The following DCAF13 variants were observed in gnomAD, a reference collection of about 807,000 sequenced individuals.
The protein encoded by DCAF13 is DDB1 and CUL4 associated factor 13.
Under a neutral mutation model 59.0 loss-of-function variants are expected in DCAF13, and 38 were observed. The ratio of observed to expected loss-of-function variants is 0.64; its 90% CI spans 0.50 to 0.84. The LOEUF is 0.84. Ranked by LOEUF, DCAF13 falls within the 40% of genes least tolerant of loss-of-function variation. The pLI is 0.00. For missense variants in DCAF13, 469 were observed against 558.4 expected (o/e 0.84, Z 1.61); for synonymous variants, 173 against 175.0 (o/e 0.99, Z 0.09).
intron 7 of DCAF13, among the ~76,000 whole-genome samples, chr8:103,433,441 T>TC (rs569641051): frequency 6.6e-6 from 1 of 152,082 alleles, no homozygotes; most frequent in Admixed American, 6.5e-5. Flanking sequence ...TCTTTTTTTT[T>TC]CCCAAAGCAT....
At chr8:103,419,145 A>C (rs1381906476) in intron 1 of DCAF13, among the ~76,000 whole-genome samples, 4 of 151,834 alleles carry the variant, frequency 2.6e-5, no homozygotes, top group African/African-American at 9.7e-5. Context: ...CGGCCCCCCA[A>C]AGTGCTGGGA....
chr8:103,419,391 C>T (rs1037091065), intron 1 of DCAF13, among the ~76,000 whole-genome samples: 6 of 152,088 alleles, frequency 3.9e-5, no homozygotes, highest in African/African-American at 1.4e-4. Flanking sequence ...GGAGATTAAA[C>T]GGTTAAGGTT....
rs190216894 is a variant in DCAF13, at chr8:103,434,049, G to T, written c.785+1308G>T. On this transcript the variant is annotated intron_variant, in intron 7 of 10. Coordinates refer to ENST00000612750, the MANE Select transcript of DCAF13 (RefSeq NM_015420.7). Reference sequence around the variant, plus strand: ...TTGCATATGCCACCTGAAACAAAGAGCATATCCCTTATAATAAGTGACTGT... The same window carrying T: ...TTGCATATGCCACCTGAAACAAAGATCATATCCCTTATAATAAGTGACTGT... Among the ~76,000 whole-genome samples the T allele has an allele frequency of 9.9e-5, 15 of 152,204 alleles. No individual in the cohort carries two copies. The East Asian group carries it at 2.9e-3, about 29-fold the overall frequency.
chr8:103,417,658 A>G lies in DCAF13; in HGVS notation c.70+2142A>G, dbSNP rs548207633. On this transcript the variant is annotated intron_variant, in intron 1 of 10. Transcript: ENST00000612750. ...CTCCGTCTCAAAAAAAAAAAAAAAAAAAGAACATCTTTAATTACATGCTCT... is the reference window on the plus strand; with the variant it reads ...CTCCGTCTCAAAAAAAAAAAAAAAAGAAGAACATCTTTAATTACATGCTCT... Among the ~76,000 whole-genome samples, 399 of 151,706 alleles carry G rather than the reference A, an allele frequency of 2.6e-3. 6 individuals carry two copies. In the South Asian group the frequency reaches 0.03, roughly 12 times the overall value.
intron 9 of DCAF13, 116 bp from the exon 10 acceptor site, chr8:103,441,339 A>G (rs768261315): frequency 2.8e-5 from 25 of 877,974 alleles, no homozygotes; most frequent in African/African-American, 1.6e-4. Flanking sequence ...TACATTGGCA[A>G]TTTTGGTTGC....
rs1817031310 is a variant in DCAF13 at position 103,443,080 on chromosome 8, G to A, written c.*198G>A. On this transcript the variant is annotated 3_prime_UTR_variant, in exon 11 of 11. Transcript: ENST00000612750. The stretch of plus-strand genomic sequence containing the variant: ...GGTAAGACTGTTTTATCCTTAATCT[G>A]CATTCTTCTTTCATTGTAGAATACA... 1.4e-5 allele frequency: 6 copies of A among 427,686 alleles called. No individual in the cohort carries two copies. The South Asian group carries it at 3.2e-4, about 22-fold the overall frequency. The allele number at this position is 427,686 out of a possible 1,614,324, so 26.5% of individuals were successfully genotyped here.
chr8:103,421,119 A>G (rs768357734), intron 3 of DCAF13, 37 bp downstream of exon 3: 4 of 1,315,444 alleles, frequency 3.0e-6, no homozygotes, highest in Admixed American at 3.4e-5. Flanking sequence ...AATTTGATCA[A>G]CATAGGTAAG....
chr8:103,419,748 T>G (rs1220002973), intron 1 of DCAF13, among the ~76,000 whole-genome samples: 2 of 152,130 alleles, frequency 1.3e-5, no homozygotes, highest in Non-Finnish European at 2.9e-5. Context: ...CGGTGGCTCA[T>G]GCCTGTAATC....
Position 103,420,402 on chromosome 8 carries a change from A to G in DCAF13, c.209A>G (p.Asn70Ser), listed in dbSNP as rs13272825. Residue 70 changes from asparagine (N) to serine (S), a missense_variant, in exon 2 of 11, where the codon AAT becomes AGT. Asn to Ser is a conservative substitution (Grantham distance 46). This residue lies in a region of DCAF13 where 355 missense variants were observed against 399.1 expected (regional missense o/e 0.89). Transcript: ENST00000612750. ...CTGGATGGTCACCGTGATGGAGTCA[A>G]TTGCTTGGCAAAGCATCCAGAGAAG... ...ASLDGHRDGV[N>S]CLAKHPEKLA... is the part of the protein sequence containing the mutation. The G allele has an allele frequency of 1.7e-3, 2,679 of 1,614,134 alleles. 4 individuals are homozygous for G. The highest frequency in any genetic ancestry group is 2.1e-3 in the Non-Finnish European group (2,429 of 1,180,010).
chr8:103,434,337 T>G (rs185242164), intron 7 of DCAF13, among the ~76,000 whole-genome samples: 1 of 152,212 alleles, frequency 6.6e-6, no homozygotes, highest in East Asian at 1.9e-4. Flanking sequence ...GAACTTTGTT[T>G]ATTTAAAGGT....
At chr8:103,435,267 T>C (rs1185596123) in intron 7 of DCAF13, among the ~76,000 whole-genome samples, 1 of 152,134 alleles carries the variant, frequency 6.6e-6, no homozygotes, top group Non-Finnish European at 1.5e-5. Context: ...TAAAAGTATG[T>C]ATTTAAATAG....
intron 1 of DCAF13, among the ~76,000 whole-genome samples, chr8:103,418,839 TATATATATATATATATATATATATATA>T (rs1192080902): frequency 2.2e-4 from 3 of 13,860 alleles, no homozygotes; most frequent in African/African-American, 1.3e-3. Flanking sequence ...TATATATATA[TATATATATATATATATATATATATATA>T]TTTTTTTTTT....
Position 103,440,124 on chromosome 8 carries a change from C to A in DCAF13, c.951-12C>A. 2 of 1,534,156 alleles carry A rather than the reference C, an allele frequency of 1.3e-6. No homozygotes were observed. Among genetic ancestry groups the A allele is most frequent in the South Asian group, 1.3e-5 (1 of 77,710 alleles). ...AAATCCAAAGGGTTTTAACTTAATT[C>A]GTTTTCTATAGGGAGGTATATCATA... On this transcript the variant is annotated splice_polypyrimidine_tract_variant and intron_variant, in intron 8 of 10. Transcript: ENST00000612750.
intron 8 of DCAF13, 156 bp from the exon 9 acceptor site, chr8:103,439,980 T>G: frequency 2.1e-6 from 1 of 486,808 alleles, no homozygotes; most frequent in Non-Finnish European, 3.3e-6. Flanking sequence ...CGGAACCTTA[T>G]TAGTTGGGTT....
In DCAF13 at chr8:103,428,879, C is replaced by T. The variant is rs1357554846; in HGVS notation, c.624+1627C>T. The T allele has an allele frequency of 3.3e-5, 5 of 151,502 alleles. No individual in the cohort carries two copies. The East Asian group carries it at 9.7e-4, about 29-fold the overall frequency. 9.4% of individuals were successfully genotyped at this position (151,502 alleles called of 1,614,324 possible). A position where few individuals can be genotyped will look rare whatever the true frequency, so the allele number is the denominator to read the frequency against. On this transcript the variant is annotated intron_variant, in intron 5 of 10. Coordinates refer to ENST00000612750, the MANE Select transcript of DCAF13 (RefSeq NM_015420.7). ...TAGTGACCATGTTTTTCAAACTTGC[C>T]TGTATAGCAGCTGTATTTGTTCAGC...
Position 103,426,158 on chromosome 8 carries a change from A to G in DCAF13, c.468+13A>G. 1 of 1,484,668 alleles carries G rather than the reference A, an allele frequency of 6.7e-7. No homozygotes were observed. Among genetic ancestry groups the G allele is most frequent in the Non-Finnish European group, 9.4e-7 (1 of 1,068,908 alleles). The allele number at this position is 1,484,668 out of a possible 1,614,324, so 92.0% of individuals were successfully genotyped here. A position where few individuals can be genotyped will look rare whatever the true frequency, so the allele number is the denominator to read the frequency against. ...AATATTAGGAAAGGTACAAAAGTAA[A>G]TTGACTAATAGCTTGCCTATTAACA... On this transcript the variant is annotated intron_variant, in intron 4 of 10. Coordinates refer to ENST00000612750, the MANE Select transcript of DCAF13 (RefSeq NM_015420.7).
chr8:103,416,117 A>G (rs1048173020), intron 1 of DCAF13, among the ~76,000 whole-genome samples: 1 of 152,250 alleles, frequency 6.6e-6, no homozygotes, highest in Non-Finnish European at 1.5e-5. Flanking sequence ...GCGTAAGCAG[A>G]TTGTTCTAAA....
intron 8 of DCAF13, 75 bp downstream of exon 8, chr8:103,435,865 T>C (rs1452576979): frequency 1.6e-5 from 23 of 1,455,278 alleles, no homozygotes; most frequent in Middle Eastern, 1.7e-4. Flanking sequence ...AAATGAGTCA[T>C]TGGGCGATTT....
chr8:103,421,257 T>C, intron 3 of DCAF13, 175 bp downstream of exon 3: 1 of 685,980 alleles, frequency 1.5e-6, no homozygotes, highest in South Asian at 1.6e-5. Context: ...AATTCAGCCT[T>C]CCCCATAACT....
Sources: allele counts gnomAD v4.1 joint callset (sites outside exome capture counted in the v4.1 genomes callset), GRCh38; gene constraint gnomAD v4.1.1; regional missense constraint gnomAD v4.1.1; transcripts MANE v1.5; gene names NCBI Gene and HGNC (gene_info 2026-07-23, HGNC 2026-07-21).